The following SH3BGR variants were observed in gnomAD, a reference collection of about 807,000 sequenced individuals.
SH3BGR encodes SH3 domain-binding glutamic acid-rich protein.
Under a neutral mutation model 24.5 loss-of-function variants are expected in SH3BGR, and 29 were observed. That is an observed-to-expected ratio of 1.18 (90% confidence interval 0.88 to 1.61). The LOEUF (loss-of-function observed/expected upper bound fraction) is 1.61, where lower values mean the gene tolerates loss of function less well. Among genes scored for constraint, SH3BGR ranks in the 40% most tolerant of loss-of-function variants. SH3BGR has a pLI of 0.00. For missense variants in SH3BGR, 162 were observed against 205.8 expected, an observed-to-expected ratio of 0.79 and a Z score of 1.30; for synonymous variants, 55 against 65.7, an observed-to-expected ratio of 0.84 and a Z score of 0.79.
intron 3 of SH3BGR, among the ~76,000 whole-genome samples, chr21:39,498,615 A>G (rs1364758813): frequency 2.6e-5 from 4 of 152,174 alleles, no homozygotes; most frequent in Non-Finnish European, 5.9e-5. Flanking sequence ...CGGGTGACAA[A>G]ATCACCCAAG....
chr21:39,514,135 T>A (rs535342561), intron 6 of SH3BGR, among the ~76,000 whole-genome samples: 1 of 152,324 alleles, frequency 6.6e-6, no homozygotes, highest in African/African-American at 2.4e-5. Flanking sequence ...TCCCAGCCAC[T>A]GACTCCCGAA....
intron 4 of SH3BGR, among the ~76,000 whole-genome samples, chr21:39,501,293 T>G (rs1000450450): frequency 6.6e-6 from 1 of 152,200 alleles, no homozygotes; most frequent in Admixed American, 6.5e-5. Flanking sequence ...TATAATCAGA[T>G]CCTGCCTCCT....
Position 39,511,557 on chromosome 21 carries a change from TTG to T in SH3BGR, c.436-117_436-116del, listed in dbSNP as rs1359652404. The T allele has an allele frequency of 1.1e-5, 9 of 797,198 alleles. No homozygotes were observed. Among genetic ancestry groups the T allele is most frequent in the Non-Finnish European group, 1.2e-5 (6 of 501,696 alleles). The allele number at this position is 797,198 out of a possible 1,614,324, so 49.4% of individuals were successfully genotyped here. A position where few individuals can be genotyped will look rare whatever the true frequency, so the allele number is the denominator to read the frequency against. On this transcript the variant is annotated intron_variant, in intron 5 of 6. Coordinates refer to ENST00000333634, the MANE Select transcript of SH3BGR (RefSeq NM_007341.3). This position sits in a 1 kb window ranked among gnomAD's most constrained non-coding sequence, Gnocchi z 4.2. Reference sequence around the variant, plus strand: ...GTATTTGTGTGTTGTGTGTGTTTGTTTGTGTGTTGTGTGGTGGGGTGTGGGAG... The same window carrying T: ...GTATTTGTGTGTTGTGTGTGTTTGTTTGTGTTGTGTGGTGGGGTGTGGGAG...
chr21:39,505,870 C>T (rs747930446), intron 4 of SH3BGR, among the ~76,000 whole-genome samples: 58 of 152,244 alleles, frequency 3.8e-4, no homozygotes, highest in Middle Eastern at 3.4e-3. Context: ...GCTAGCTCTA[C>T]GGTTGACAGT....
At chr21:39,508,401 G>T (rs1240583145) in intron 4 of SH3BGR, among the ~76,000 whole-genome samples, 1 of 152,200 alleles carries the variant, frequency 6.6e-6, no homozygotes, top group Non-Finnish European at 1.5e-5. Context: ...CCAGTGGGCT[G>T]GTGGCTTGCA....
At chr21:39,453,988 G>T (rs1392828177) in intron 1 of SH3BGR, among the ~76,000 whole-genome samples, 4 of 152,188 alleles carry the variant, frequency 2.6e-5, no homozygotes, top group African/African-American at 9.7e-5. Context: ...TAGGATTTCA[G>T]TTACAATTAT....
chr21:39,452,091 G>C lies in SH3BGR; in HGVS notation c.-6G>C, dbSNP rs748185329. ...GTTGGGGGGAGTCCTCTTTCCAACT[G>C]TCGAAATGGTTATCAAAGTGTTTGT... is the stretch of plus-strand genomic sequence containing the variant. On this transcript the variant is annotated 5_prime_UTR_variant, in exon 1 of 7. Transcript: ENST00000333634. 1.2e-6 allele frequency: 2 copies of C among 1,614,156 alleles called. No homozygotes were observed. The highest frequency in any genetic ancestry group is 1.7e-5 in the Admixed American group (1 of 60,018).
intron 1 of SH3BGR, among the ~76,000 whole-genome samples, chr21:39,458,340 TA>T (rs1472332877): frequency 2.6e-5 from 4 of 152,072 alleles, no homozygotes; most frequent in Admixed American, 6.5e-5. Flanking sequence ...TTATTATTTT[TA>T]TTTTTTTTAA....
rs745798146 is a variant in SH3BGR at position 39,462,549 on chromosome 21, C to G, written c.220C>G (p.Gln74Glu). The change falls in exon 2 of 7, where the codon CAG becomes GAG. Residue 74 changes from glutamine (Q) to glutamate (E), a missense_variant. Physicochemically the swap from Gln to Glu is conservative, Grantham distance 29 (BLOSUM62 2). Transcript: ENST00000333634. ...GCCTCCCCAGATCTTCAATGAGGAG[C>G]AGTACTGTGGGGTGAGTATGTGCTT... ...PLPPQIFNEEQYCGDFDSFFS... is the reference protein window; with the variant it reads ...PLPPQIFNEEEYCGDFDSFFS... The G allele has an allele frequency of 1.3e-6, 2 of 1,589,776 alleles. No homozygotes were observed. Among genetic ancestry groups the G allele is most frequent in the South Asian group, 1.2e-5 (1 of 86,334 alleles).
Position 39,492,487 on chromosome 21 carries a change from CACACACACACACCACATT to C in SH3BGR, c.313-7335_313-7318del, listed in dbSNP as rs537814651. On this transcript the variant is annotated intron_variant, in intron 3 of 6. Coordinates refer to ENST00000333634, the MANE Select transcript of SH3BGR (RefSeq NM_007341.3). ...GTGTGTATATATATATATATACACA[CACACACACACACCACATT>C]TTCTTTATCCACTTGTTGATTGATG... is the stretch of plus-strand genomic sequence containing the variant. Among the ~76,000 whole-genome samples the C allele has an allele frequency of 3.7e-3, 523 of 142,716 alleles. 3 individuals carry two copies. The highest frequency in any genetic ancestry group is 0.014 in the African/African-American group (493 of 35,244). The allele number at this position is 142,716 out of a possible 152,430, so 93.6% of individuals were successfully genotyped here.
intron 1 of SH3BGR, among the ~76,000 whole-genome samples, chr21:39,458,395 G>T (rs2077699432): frequency 6.6e-6 from 1 of 152,046 alleles, no homozygotes; most frequent in Non-Finnish European, 1.5e-5. Context: ...CCAGAGTACA[G>T]TGGTGCAATA....
At chr21:39,507,766 C>T (rs1411217641) in intron 4 of SH3BGR, among the ~76,000 whole-genome samples, 1 of 152,188 alleles carries the variant, frequency 6.6e-6, no homozygotes, top group African/African-American at 2.4e-5. Context: ...CCGCCTCTGC[C>T]TCTGGATGCC....
rs1057154809 is a variant in SH3BGR, at chr21:39,455,420, A to G, written c.45+3279A>G. The stretch of plus-strand genomic sequence containing the variant: ...CACCCTGGAGGGTGGAGAAGGGGCA[A>G]AGGGGGAGAGGTGAAGAGTAGGAGT... On this transcript the variant is annotated intron_variant, in intron 1 of 6. Transcript: ENST00000333634. Among the ~76,000 whole-genome samples the G allele has an allele frequency of 6.1e-4, 93 of 152,136 alleles. 1 individual carries two copies. The highest frequency in any genetic ancestry group is 2.1e-3 in the African/African-American group (88 of 41,446).
intron 1 of SH3BGR, among the ~76,000 whole-genome samples, chr21:39,456,640 C>T (rs529009769): frequency 8.6e-5 from 13 of 152,016 alleles, no homozygotes; most frequent in South Asian, 6.2e-4. Flanking sequence ...CAGGCATCCA[C>T]GGCACAGCTG....
At chr21:39,458,898 C>T (rs2077709164) in intron 1 of SH3BGR, among the ~76,000 whole-genome samples, 2 of 152,224 alleles carry the variant, frequency 1.3e-5, no homozygotes, top group Middle Eastern at 3.4e-3. Context: ...CTGCCTGCCT[C>T]AGCTTCCTAC....
intron 4 of SH3BGR, among the ~76,000 whole-genome samples, chr21:39,501,038 G>A (rs2078486469): frequency 6.6e-6 from 1 of 152,154 alleles, no homozygotes; most frequent in African/African-American, 2.4e-5. Flanking sequence ...GTGTTTCATG[G>A]CAGCCTGTAT....
intron 5 of SH3BGR, among the ~76,000 whole-genome samples, chr21:39,510,402 CACACACACACACACACACACTGTAGCT>C: frequency 1.8e-5 from 2 of 113,752 alleles, no homozygotes; most frequent in African/African-American, 6.8e-5. Flanking sequence ...TGTAGCTACA[CACACACACACACACACACACTGTAGCT>C]ACACACACAC....
chr21:39,454,628 G>A (rs146023924), intron 1 of SH3BGR, among the ~76,000 whole-genome samples: 155 of 152,262 alleles, frequency 1.0e-3, no homozygotes, highest in Middle Eastern at 3.4e-3. Context: ...CCCTGGAACC[G>A]ATCTTTAAGG....
At chr21:39,475,900 C>T (rs933138318) in intron 3 of SH3BGR, among the ~76,000 whole-genome samples, 1 of 152,136 alleles carries the variant, frequency 6.6e-6, no homozygotes, top group East Asian at 1.9e-4. Context: ...TGTAAAAATC[C>T]ACTCTGAGAG....
Sources: gnomAD v4.1 joint callset for allele counts (sites outside exome capture counted in the v4.1 genomes callset) on GRCh38, gnomAD v4.1.1 for gene constraint, Gnocchi (gnomAD v3.1) non-coding constraint, MANE v1.5 for transcripts, NCBI Gene and HGNC (gene_info 2026-07-23, HGNC 2026-07-21) for gene names.